Variants in BCR observed in about 807,000 individuals in gnomAD.
BCR encodes breakpoint cluster region protein.
A neutral mutation model predicts 138.6 loss-of-function variants in BCR; 58 were observed. The ratio of observed to expected loss-of-function variants is 0.42; its 90% CI spans 0.34 to 0.52. BCR has a LOEUF of 0.52. Ranked by LOEUF, BCR falls within the 20% of genes least tolerant of loss-of-function variation. BCR has a pLI of 0.06. For missense variants in BCR, 1,599 were observed against 1,727.2 expected, an observed-to-expected ratio of 0.93 and a Z score of 1.32; for synonymous variants, 786 against 730.1, an observed-to-expected ratio of 1.08 and a Z score of -1.23.
chr22:23,296,990 G>A lies in BCR; in HGVS notation c.3012+1835G>A, dbSNP rs74681533. 7.2e-3 allele frequency among the ~76,000 whole-genome samples: 1,101 copies of A among 152,216 alleles called. 16 individuals carry two copies. The highest frequency in any genetic ancestry group is 0.035 in the South Asian group (167 of 4,818). ...AAATGACGGTCATAGTTTGGGTGAT[G>A]GTCACGGCTCAGGTTCTTTTTTACA... On this transcript the variant is annotated intron_variant, in intron 16 of 22. Coordinates refer to ENST00000305877, the MANE Select transcript of BCR (RefSeq NM_004327.4).
At position 23,235,358 on chromosome 22, in the gene BCR, G is replaced by A. The variant is rs762082369; in HGVS notation, c.1280-18441G>A. Among the ~76,000 whole-genome samples, 10 of 144,908 alleles carry A rather than the reference G, an allele frequency of 6.9e-5. 3 individuals are homozygous for A. The highest frequency in any genetic ancestry group is 1.4e-4 in the Admixed American group (2 of 14,432). ...GCATCCCAAAGTGCTGAGATTACTA[G>A]TGTGAGCCACCATGCCCGGCCTTCT... On this transcript the variant is annotated intron_variant, in intron 1 of 22. Transcript: ENST00000305877.
rs148044645 is a variant in BCR at position 23,279,809 on chromosome 22, G to T, written c.2116-4168G>T. On this transcript the variant is annotated intron_variant, in intron 8 of 22. Coordinates refer to ENST00000305877, the MANE Select transcript of BCR (RefSeq NM_004327.4). ...CTGATTCCTGGAGCATGTCGTAGTC[G>T]GTTCAGGCTGCTGTAACAAAGTATC... Among the ~76,000 whole-genome samples the T allele has an allele frequency of 3.6e-3, 549 of 152,286 alleles. 4 individuals are homozygous for T. Among genetic ancestry groups the T allele is most frequent in the African/African-American group, 0.013 (526 of 41,548 alleles).
chr22:23,257,582 C>G (rs2073308706), intron 2 of BCR, among the ~76,000 whole-genome samples: 1 of 152,250 alleles, frequency 6.6e-6, no homozygotes, highest in Non-Finnish European at 1.5e-5. Flanking sequence ...CCCTTCACCT[C>G]TTCTCCTCTT....
intron 8 of BCR, among the ~76,000 whole-genome samples, chr22:23,275,340 A>G (rs1003285917): frequency 3.9e-5 from 6 of 152,302 alleles, no homozygotes; most frequent in South Asian, 2.1e-4. Flanking sequence ...GCTTCTCCCA[A>G]CTGGGCCCAT....
chr22:23,208,507 G>A lies in BCR; in HGVS notation c.1279+26268G>A, dbSNP rs116190732. Among the ~76,000 whole-genome samples the A allele has an allele frequency of 2.3e-3, 357 of 152,160 alleles. 1 individual carries two copies. Among genetic ancestry groups the A allele is most frequent in the African/African-American group, 8.2e-3 (339 of 41,516 alleles). ...GTTCAGTGGTGTTGAGTATGTTCAT[G>A]TTGTTCAGCCATCACCATCTGTCAC... On this transcript the variant is annotated intron_variant, in intron 1 of 22. Coordinates refer to ENST00000305877, the MANE Select transcript of BCR (RefSeq NM_004327.4).
In BCR at chr22:23,234,798, T is replaced by G. The variant is rs2073004261; in HGVS notation, c.1280-19001T>G. On this transcript the variant is annotated intron_variant, in intron 1 of 22. Coordinates refer to ENST00000305877, the MANE Select transcript of BCR (RefSeq NM_004327.4). ...CCAGTCGTGGGCCCTGATGCGGGGGTGTGTGTGAGCTGGAGCCGTGGGACC... is the reference window on the plus strand; with the variant it reads ...CCAGTCGTGGGCCCTGATGCGGGGGGGTGTGTGAGCTGGAGCCGTGGGACC... Among the ~76,000 whole-genome samples the G allele has an allele frequency of 1.4e-5, 2 of 142,434 alleles. 1 individual carries two copies. Among genetic ancestry groups the G allele is most frequent in the South Asian group, 4.7e-4 (2 of 4,228 alleles). 93.4% of individuals were successfully genotyped at this position (142,434 alleles called of 152,430 possible).
At chr22:23,212,262 G>A (rs1465601685) in intron 1 of BCR, among the ~76,000 whole-genome samples, 1 of 152,178 alleles carries the variant, frequency 6.6e-6, no homozygotes, top group Non-Finnish European at 1.5e-5. Flanking sequence ...GATTGGCTGC[G>A]ATTGGGATTG....
intron 12 of BCR, among the ~76,000 whole-genome samples, chr22:23,288,895 C>T (rs1477520236): frequency 6.6e-6 from 1 of 152,210 alleles, no homozygotes; most frequent in Non-Finnish European, 1.5e-5. Context: ...CTCTGCATGC[C>T]TCTGGCCTGG....
intron 4 of BCR, among the ~76,000 whole-genome samples, chr22:23,266,792 T>A (rs192960871): frequency 0.014 from 2,205 of 152,352 alleles, 26 homozygotes; most frequent in Middle Eastern, 0.024. Context: ...TGTGTGCTTC[T>A]CAGTGCATCA....
At chr22:23,287,421 C>T in intron 11 of BCR, 143 bp downstream of exon 11, 1 of 1,333,686 alleles carries the variant, frequency 7.5e-7, no homozygotes, top group Non-Finnish European at 9.9e-7. Flanking sequence ...ACGCACATTC[C>T]TTTGTCTGGG....
chr22:23,274,303 C>T (rs915151257), intron 8 of BCR, among the ~76,000 whole-genome samples: 1 of 152,212 alleles, frequency 6.6e-6, no homozygotes, highest in Non-Finnish European at 1.5e-5. Flanking sequence ...CTTCCCCTTC[C>T]CCCCCGTCAC....
intron 1 of BCR, among the ~76,000 whole-genome samples, chr22:23,240,917 G>A (rs182828431): frequency 1.2e-3 from 188 of 152,190 alleles, no homozygotes; most frequent in East Asian, 7.1e-3. Context: ...CCTCATATAC[G>A]TGGAATCTTA....
At chr22:23,280,271 A>G (rs2146295858) in intron 8 of BCR, among the ~76,000 whole-genome samples, 1 of 152,300 alleles carries the variant, frequency 6.6e-6, no homozygotes, top group African/African-American at 2.4e-5. Context: ...TGGAGGAGGC[A>G]GCTGGCCTGG....
chr22:23,244,884 C>T (rs2073138619), intron 1 of BCR, among the ~76,000 whole-genome samples: 1 of 152,184 alleles, frequency 6.6e-6, no homozygotes, highest in African/African-American at 2.4e-5. Context: ...CAACCTGAAG[C>T]CTAGAGCATC....
At chr22:23,227,200 A>G (rs145385066) in intron 1 of BCR, among the ~76,000 whole-genome samples, 1 of 152,326 alleles carries the variant, frequency 6.6e-6, no homozygotes, top group African/African-American at 2.4e-5. Flanking sequence ...CAGGCTGACA[A>G]GTGCCACTTG....
intron 2 of BCR, among the ~76,000 whole-genome samples, chr22:23,260,487 CAG>C (rs2073343836): frequency 6.6e-6 from 1 of 152,156 alleles, no homozygotes; most frequent in South Asian, 2.1e-4. Context: ...CGGCAGCAGT[CAG>C]AGAATCCAGG....
Position 23,284,000 on chromosome 22 carries a change from C to A in BCR, c.2139C>A (p.Ser713Arg). Residue 713 changes from serine (S) to arginine (R), a missense_variant, in exon 9 of 23, where the codon AGC becomes AGA. Around this residue, in one of 4 missense-constraint regions of BCR, gnomAD observed 590 missense variants for 762.4 expected, o/e 0.77. Coordinates refer to ENST00000305877, the MANE Select transcript of BCR (RefSeq NM_004327.4). Reference protein sequence around the residue: ...KGEHRQLLKDSFMVELVEGAR... With the variant: ...KGEHRQLLKDRFMVELVEGAR... ...AGCACCGGCAGCTGCTGAAGGACAG[C>A]TTCATGGTGGAGCTGGTGGAGGGGG... 2 of 1,600,906 alleles carry A rather than the reference C, an allele frequency of 1.2e-6. No individual in the cohort carries two copies. Among genetic ancestry groups the A allele is most frequent in the Non-Finnish European group, 8.5e-7 (1 of 1,173,916 alleles).
intron 1 of BCR, among the ~76,000 whole-genome samples, chr22:23,229,564 T>C (rs1312766096): frequency 6.6e-6 from 1 of 152,208 alleles, no homozygotes. Flanking sequence ...CTCAGCTCTG[T>C]GGTTCCGGTA....
chr22:23,215,133 G>A (rs1824902281), intron 1 of BCR, among the ~76,000 whole-genome samples: 1 of 152,196 alleles, frequency 6.6e-6, no homozygotes, highest in Non-Finnish European at 1.5e-5. Context: ...ATGTCCTCAA[G>A]TTTCATCCTT....
Sources: gnomAD v4.1 joint callset for allele counts (sites outside exome capture counted in the v4.1 genomes callset) on GRCh38, gnomAD v4.1.1 for gene constraint, gnomAD v4.1.1 regional missense constraint, MANE v1.5 for transcripts, NCBI Gene and HGNC (gene_info 2026-07-23, HGNC 2026-07-21) for gene names.